SUPT6H: variants seen among roughly 807,000 people sequenced by gnomAD.
SUPT6H encodes transcription elongation factor SPT6.
A neutral mutation model predicts 222.3 loss-of-function variants in SUPT6H; 11 were observed. The observed-to-expected ratio is 0.05, with a 90% CI of 0.03 to 0.08. The LOEUF is 0.08. Ranked by LOEUF, SUPT6H falls within the 10% of genes least tolerant of loss-of-function variation. SUPT6H has a pLI of 1.00. For missense variants in SUPT6H, 1,422 were observed against 2,216.0 expected (o/e 0.64, Z 7.19); for synonymous variants, 762 against 801.2 (o/e 0.95, Z 0.83).
intron 1 of SUPT6H, among the ~76,000 whole-genome samples, chr17:28,664,125 T>C (rs2072122780): frequency 6.6e-6 from 1 of 152,168 alleles, no homozygotes; most frequent in South Asian, 2.1e-4. Flanking sequence ...ATCTTGGCTT[T>C]ATTGACATTT....
chr17:28,665,418 A>G (rs943774379), intron 1 of SUPT6H, among the ~76,000 whole-genome samples: 5 of 152,176 alleles, frequency 3.3e-5, no homozygotes, highest in Non-Finnish European at 7.4e-5. Context: ...TCCTAGGGGC[A>G]TGGACCTAGT....
Position 28,682,746 on chromosome 17 carries a change from T to C in SUPT6H, c.1617T>C (p.Phe539=). 2 of 1,614,200 alleles carry C rather than the reference T, an allele frequency of 1.2e-6. No homozygotes were observed. The highest frequency in any genetic ancestry group is 2.7e-5 in the African/African-American group (2 of 75,054). The change falls in exon 14 of 37, where the codon TTT becomes TTC. Residue 539 remains phenylalanine, a synonymous_variant. Coordinates refer to ENST00000314616, the MANE Select transcript of SUPT6H (RefSeq NM_003170.5). ...SAGLDGLAKK[F]GLTPEQFGEN... is the part of the protein sequence containing the mutation. ...CTTTAGATGGCCTGGCCAAAAAGTT[T>C]GGGCTTACTCCCGAGCAGTTTGGGG...
At chr17:28,679,969 C>G (rs1226775660) in intron 11 of SUPT6H, among the ~76,000 whole-genome samples, 2 of 114,400 alleles carry the variant, frequency 1.7e-5, no homozygotes, top group African/African-American at 6.8e-5. Flanking sequence ...CAGGCCTGGG[C>G]GACAGAGCTA....
At position 28,701,851 on chromosome 17, in the gene SUPT6H, C is replaced by T. The variant is rs2032149897; in HGVS notation, c.*226C>T. The T allele has an allele frequency of 3.8e-6, 2 of 532,874 alleles. No individual in the cohort carries two copies. 33.0% of individuals were successfully genotyped at this position (532,874 alleles called of 1,614,324 possible). A position where few individuals can be genotyped will look rare whatever the true frequency, so the allele number is the denominator to read the frequency against. ...TCCAGACCCTCACCGACCACCTGTC[C>T]TGGGACCAGGCTGGGAGGGGAGTGT... is the stretch of plus-strand genomic sequence containing the variant. On this transcript the variant is annotated 3_prime_UTR_variant, in exon 37 of 37. Transcript: ENST00000314616.
intron 29 of SUPT6H, among the ~76,000 whole-genome samples, chr17:28,696,080 T>G (rs1411176247): frequency 6.6e-6 from 1 of 150,726 alleles, no homozygotes; most frequent in Non-Finnish European, 1.5e-5. Flanking sequence ...CTGAGGCAGG[T>G]GGATCACTTG....
chr17:28,675,552 C>G, intron 6 of SUPT6H, 67 bp downstream of exon 6: 2 of 1,559,344 alleles, frequency 1.3e-6, no homozygotes, highest in Non-Finnish European at 1.8e-6. Flanking sequence ...AGGAGGAGAT[C>G]AGAGGCCTTT....
intron 15 of SUPT6H, 47 bp from the exon 16 acceptor site, chr17:28,683,221 T>C: frequency 6.2e-7 from 1 of 1,601,048 alleles, no homozygotes; most frequent in Non-Finnish European, 8.5e-7. Flanking sequence ...TCCTGGGGCC[T>C]GGCCCAGCCC....
At chr17:28,677,610 G>A (rs1298914727) in intron 7 of SUPT6H, 105 bp from the exon 8 acceptor site, 1 of 794,946 alleles carries the variant, frequency 1.3e-6, no homozygotes, top group Non-Finnish European at 2.1e-6. Context: ...AACAATACTG[G>A]AAATGTGCAC....
intron 1 of SUPT6H, among the ~76,000 whole-genome samples, chr17:28,662,848 C>T (rs564264548): frequency 1.1e-4 from 16 of 152,282 alleles, no homozygotes; most frequent in African/African-American, 3.9e-4. Flanking sequence ...TTCTAAAGAT[C>T]GAAGGTCTTG....
At chr17:28,687,870 T>C (rs1480632848) in intron 23 of SUPT6H, among the ~76,000 whole-genome samples, 2 of 152,178 alleles carry the variant, frequency 1.3e-5, no homozygotes, top group African/African-American at 4.8e-5. Context: ...ATATGGTCTT[T>C]GGTGTAGGTA....
chr17:28,695,601 G>T (rs1460614139), intron 29 of SUPT6H, 54 bp downstream of exon 29: 36 of 1,557,366 alleles, frequency 2.3e-5, no homozygotes, highest in Non-Finnish European at 3.0e-5. Flanking sequence ...AGTTCTCCCA[G>T]TGCAGGATTC....
At chr17:28,690,877 C>T in intron 26 of SUPT6H, 44 bp from the exon 27 acceptor site, 1 of 1,597,074 alleles carries the variant, frequency 6.3e-7, no homozygotes, top group Non-Finnish European at 8.6e-7. Context: ...AAGTGCTCTC[C>T]ACATTCTCTG....
rs1213722983 is a variant in SUPT6H at position 28,700,446 on chromosome 17, C to T, written c.4740C>T (p.Thr1580=). 1 of 1,614,120 alleles carries T rather than the reference C, an allele frequency of 6.2e-7. No individual in the cohort carries two copies. The highest frequency in any genetic ancestry group is 1.3e-5 in the African/African-American group (1 of 74,936). The part of the protein sequence containing the change: ...VTGQGQNPNA[T]PAQWASSQYG... ...GCCAAGGACAGAACCCTAATGCCACCCCAGCCCAGTGGGCCTCCAGCCAGT... is the reference window on the plus strand; with the variant it reads ...GCCAAGGACAGAACCCTAATGCCACTCCAGCCCAGTGGGCCTCCAGCCAGT... The change falls in exon 35 of 37, where the codon ACC becomes ACT. Residue 1580 remains threonine, a synonymous_variant. Coordinates refer to ENST00000314616, the MANE Select transcript of SUPT6H (RefSeq NM_003170.5).
At chr17:28,662,853 G>A (rs1254903748) in intron 1 of SUPT6H, among the ~76,000 whole-genome samples, 1 of 152,200 alleles carries the variant, frequency 6.6e-6, no homozygotes, top group Non-Finnish European at 1.5e-5. Flanking sequence ...AAGATCGAAG[G>A]TCTTGTAGAA....
In SUPT6H at chr17:28,667,546, A is replaced by G. The variant is rs190807172; in HGVS notation, c.-32+5204A>G. ...GTGTGTGTGTGTGTTTTATATATAT[A>G]TATGTATATATGATACAAGACAACA... On this transcript the variant is annotated intron_variant, in intron 1 of 36. Coordinates refer to ENST00000314616, the MANE Select transcript of SUPT6H (RefSeq NM_003170.5). Among the ~76,000 whole-genome samples, 780 of 149,038 alleles carry G rather than the reference A, an allele frequency of 5.2e-3. 5 individuals are homozygous for G. The highest frequency in any genetic ancestry group is 8.8e-3 in the Non-Finnish European group (597 of 67,458).
intron 13 of SUPT6H, 33 bp from the exon 14 acceptor site, chr17:28,682,694 C>G: frequency 4.4e-6 from 7 of 1,606,252 alleles, no homozygotes; most frequent in Admixed American, 1.7e-5. Flanking sequence ...AGCCTATCTG[C>G]TGCCTTACCC....
chr17:28,688,274 G>A lies in SUPT6H; in HGVS notation c.3134+56G>A, dbSNP rs1011688946. The A allele has an allele frequency of 8.9e-6, 14 of 1,578,486 alleles. No homozygotes were observed. The East Asian group carries it at 1.1e-4, about 13-fold the overall frequency. On this transcript the variant is annotated intron_variant, in intron 24 of 36. Coordinates refer to ENST00000314616, the MANE Select transcript of SUPT6H (RefSeq NM_003170.5). The surrounding 1 kb of genome is among the most constrained non-coding windows in gnomAD (Gnocchi z 4.3). ...GAATTCCCTTGTGGGCTTTGTTTTCGGGTTTCAGGGGTTAGGGCTATCAAA... is the reference window on the plus strand; with the variant it reads ...GAATTCCCTTGTGGGCTTTGTTTTCAGGTTTCAGGGGTTAGGGCTATCAAA...
At chr17:28,697,856 T>G in intron 31 of SUPT6H, 50 bp from the exon 32 acceptor site, 1 of 1,609,420 alleles carries the variant, frequency 6.2e-7, no homozygotes, top group Non-Finnish European at 8.5e-7. Flanking sequence ...CCAGACGTTG[T>G]GTACCAAGCA....
Position 28,684,638 on chromosome 17 carries a change from A to T in SUPT6H, c.2282A>T (p.Asp761Val). The change falls in exon 18 of 37, where the codon GAT (aspartate) becomes GTT (valine). Residue 761 changes from aspartate to valine, a missense_variant. By Grantham distance (152) the Asp-to-Val change is radical (BLOSUM62 -3). This residue lies in a region of SUPT6H where 294 missense variants were observed against 382.1 expected (regional missense o/e 0.77). Transcript: ENST00000314616. ...NWLRVAPYRP[D>V]QQVEEDDDFM... ...TTGAGAGTGGCACCCTACCGACCAG[A>T]TCAGCAGGTGGAAGAAGATGACGAC... 6.2e-7 allele frequency: 1 copy of T among 1,614,156 alleles called. No homozygotes were observed. Among genetic ancestry groups the T allele is most frequent in the Non-Finnish European group, 8.5e-7 (1 of 1,180,032 alleles).
Sources: gnomAD v4.1 joint callset for allele counts (sites outside exome capture counted in the v4.1 genomes callset) on GRCh38, gnomAD v4.1.1 for gene constraint, gnomAD v4.1.1 regional missense constraint, Gnocchi (gnomAD v3.1) non-coding constraint, MANE v1.5 for transcripts, NCBI Gene and HGNC (gene_info 2026-07-23, HGNC 2026-07-21) for gene names.